DLG2: variants seen among roughly 807,000 people sequenced by gnomAD.
DLG2 encodes disks large homolog 2.
In DLG2, 45 loss-of-function variants were observed where a neutral mutation model predicts 132.5. The observed-to-expected ratio is 0.34, with a 90% CI of 0.27 to 0.44. The LOEUF (loss-of-function observed/expected upper bound fraction) is 0.44, where lower values mean the gene tolerates loss of function less well. DLG2 is among the 20% of genes least tolerant of loss of function. The pLI, the probability that DLG2 is intolerant of heterozygous loss-of-function variation, is 1.00. For missense variants in DLG2, 1,045 were observed against 1,196.9 expected (o/e 0.87, Z 1.87); for synonymous variants, 424 against 419.6 (o/e 1.01, Z -0.13).
intron 19 of DLG2, chr11:83,631,719 C>T (rs2063593045): frequency 2.0e-5 from 3 of 152,082 alleles, no homozygotes; most frequent in African/African-American, 7.2e-5. Context: ...CATTCTATCT[C>T]TTAATAAGAC....
At chr11:84,228,331 C>T (rs1245937100) in intron 8 of DLG2, among the ~76,000 whole-genome samples, 1 of 152,150 alleles carries the variant, frequency 6.6e-6, no homozygotes, top group African/African-American at 2.4e-5. Flanking sequence ...GTACATTAGT[C>T]CTTGACACAT....
chr11:85,126,639 C>G (rs544494040), intron 5 of DLG2, among the ~76,000 whole-genome samples: 1 of 152,058 alleles, frequency 6.6e-6, no homozygotes, highest in East Asian at 1.9e-4. Flanking sequence ...CTGTTCCAAT[C>G]TCCCCCACGT....
chr11:85,335,255 T>C (rs1281841363), intron 3 of DLG2, among the ~76,000 whole-genome samples: 11 of 151,984 alleles, frequency 7.2e-5, no homozygotes, highest in Non-Finnish European at 1.3e-4. Flanking sequence ...TTTTTTTTGT[T>C]TTCTGTTTGT....
chr11:83,765,427 A>G (rs1212589125), intron 18 of DLG2, among the ~76,000 whole-genome samples: 1 of 152,242 alleles, frequency 6.6e-6, no homozygotes, highest in Non-Finnish European at 1.5e-5. Context: ...AAAATTCCAT[A>G]CTATAAATAC....
intron 11 of DLG2, among the ~76,000 whole-genome samples, chr11:84,041,224 T>C (rs936790950): frequency 6.6e-6 from 1 of 152,002 alleles, no homozygotes; most frequent in African/African-American, 2.4e-5. Context: ...ATTTTTTTGG[T>C]TCGATTTTTG....
chr11:84,820,339 C>G (rs1032905728), intron 6 of DLG2, among the ~76,000 whole-genome samples: 22 of 151,976 alleles, frequency 1.4e-4, no homozygotes, highest in African/African-American at 5.3e-4. Context: ...ATAGTTACAG[C>G]CTCATAACCA....
chr11:84,729,788 T>A (rs957494192), intron 6 of DLG2, among the ~76,000 whole-genome samples: 2 of 152,026 alleles, frequency 1.3e-5, no homozygotes, highest in African/African-American at 4.8e-5. Flanking sequence ...TTGGCCAGGC[T>A]TTCCACTGCT....
intron 5 of DLG2, among the ~76,000 whole-genome samples, chr11:85,123,819 G>T (rs1183153367): frequency 6.6e-6 from 1 of 151,932 alleles, no homozygotes; most frequent in Non-Finnish European, 1.5e-5. Flanking sequence ...AGATATGAGG[G>T]GCAAAGGTTA....
intron 7 of DLG2, among the ~76,000 whole-genome samples, chr11:84,350,041 G>A (rs966954498): frequency 7.9e-5 from 12 of 151,928 alleles, no homozygotes; most frequent in Non-Finnish European, 5.9e-5. Context: ...AGCGGGGCGT[G>A]GTGGTGGGCG....
In DLG2 at chr11:85,399,801, A is replaced by C. The variant is rs957792311; in HGVS notation, c.41-114436T>G. Reference sequence around the variant, plus strand: ...TAATTCAAGATGGATTAAAGACTTAAATGTTAGACCTAAAACCATAAAAAC... The same window carrying C: ...TAATTCAAGATGGATTAAAGACTTACATGTTAGACCTAAAACCATAAAAAC... On this transcript the variant is annotated intron_variant, in intron 3 of 27. Transcript: ENST00000376104. Among the ~76,000 whole-genome samples the C allele has an allele frequency of 2.6e-5, 4 of 152,266 alleles. No individual in the cohort carries two copies. In the East Asian group the frequency reaches 5.8e-4, roughly 22 times the overall value.
chr11:83,476,482 T>G (rs1194151268), intron 22 of DLG2, among the ~76,000 whole-genome samples: 2 of 152,168 alleles, frequency 1.3e-5, no homozygotes, highest in Non-Finnish European at 2.9e-5. Flanking sequence ...GAACTGAGTC[T>G]CAAAGACTTT....
At chr11:85,392,656 A>T (rs549546503) in intron 3 of DLG2, among the ~76,000 whole-genome samples, 2 of 152,320 alleles carry the variant, frequency 1.3e-5, no homozygotes, top group East Asian at 3.9e-4. Context: ...GAGAACGCAG[A>T]AATAAACTCA....
chr11:84,375,971 C>T (rs889069866), intron 7 of DLG2, among the ~76,000 whole-genome samples: 1 of 151,862 alleles, frequency 6.6e-6, no homozygotes, highest in Non-Finnish European at 1.5e-5. Flanking sequence ...AAACTTGACC[C>T]ATTTGCCTCT....
At chr11:84,810,346 G>A (rs1015316428) in intron 6 of DLG2, among the ~76,000 whole-genome samples, 1 of 152,152 alleles carries the variant, frequency 6.6e-6, no homozygotes, top group Non-Finnish European at 1.5e-5. Context: ...ACATAAGCAT[G>A]TGAAAAGATG....
intron 3 of DLG2, among the ~76,000 whole-genome samples, chr11:85,491,090 T>A (rs983850218): frequency 3.9e-5 from 6 of 152,112 alleles, no homozygotes; most frequent in Admixed American, 3.9e-4. Flanking sequence ...AAATGGGTTT[T>A]ATAACAGAAA....
chr11:84,023,924 T>C (rs1311535669), intron 11 of DLG2, among the ~76,000 whole-genome samples: 1 of 152,170 alleles, frequency 6.6e-6, no homozygotes, highest in Non-Finnish European at 1.5e-5. Flanking sequence ...ATTTTCTTAA[T>C]ATTTTCTTTT....
At chr11:85,087,056 T>C (rs539263531) in intron 6 of DLG2, among the ~76,000 whole-genome samples, 4 of 152,358 alleles carry the variant, frequency 2.6e-5, no homozygotes, top group South Asian at 4.1e-4. Context: ...CATTTGCTCA[T>C]TGTGATTCAT....
At chr11:85,333,895 T>G (rs2081950024) in intron 3 of DLG2, among the ~76,000 whole-genome samples, 2 of 152,032 alleles carry the variant, frequency 1.3e-5, no homozygotes, top group Admixed American at 1.3e-4. Context: ...TTGGTTTTTT[T>G]TTTTCACTGT....
intron 11 of DLG2, among the ~76,000 whole-genome samples, chr11:84,014,461 T>C (rs2095060905): frequency 6.6e-6 from 1 of 152,158 alleles, no homozygotes; most frequent in Non-Finnish European, 1.5e-5. Context: ...TACATTAATG[T>C]TTTAAATGAA....
Sources: allele counts gnomAD v4.1 joint callset (sites outside exome capture counted in the v4.1 genomes callset), GRCh38; gene constraint gnomAD v4.1.1; transcripts MANE v1.5; gene names NCBI Gene and HGNC (gene_info 2026-07-23, HGNC 2026-07-21).